The following AKAP6 variants were observed in gnomAD, a reference collection of about 807,000 sequenced individuals.
The protein encoded by AKAP6 is A-kinase anchoring protein 6, also known as A-kinase anchor protein 6.
AKAP6 carries 58 observed loss-of-function variants against 188.5 expected under a neutral mutation model. The observed-to-expected ratio is 0.31, with a 90% CI of 0.25 to 0.38. The LOEUF is 0.38. Among genes scored for constraint, AKAP6 ranks in the 10% least tolerant of loss-of-function variants. The probability of loss-of-function intolerance (pLI) is 1.00; values close to 1 mark genes in which losing one functional copy is unlikely to be tolerated. For synonymous variants in AKAP6, 989 were observed against 998.6 expected (o/e 0.99, Z 0.18); for missense variants, 2,710 against 2,740.0 (o/e 0.99, Z 0.24).
intron 12 of AKAP6, 94 bp downstream of exon 12, chr14:32,773,987 G>T: frequency 1.5e-6 from 2 of 1,337,760 alleles, no homozygotes; most frequent in Non-Finnish European, 2.1e-6. Flanking sequence ...TCTTATAAAT[G>T]GTTTTACTAA....
chr14:32,428,696 C>T (rs1258056744), intron 1 of AKAP6, among the ~76,000 whole-genome samples: 2 of 152,088 alleles, frequency 1.3e-5, no homozygotes, highest in Admixed American at 6.6e-5. Flanking sequence ...CTGATTTGGT[C>T]GAATGAACTT....
chr14:32,572,192 C>A (rs1448505627), intron 4 of AKAP6, among the ~76,000 whole-genome samples: 12 of 152,154 alleles, frequency 7.9e-5, no homozygotes, highest in Non-Finnish European at 1.6e-4. Flanking sequence ...GATCCATGTT[C>A]AAATCCCAAG....
At chr14:32,618,407 C>G (rs1441004534) in intron 7 of AKAP6, among the ~76,000 whole-genome samples, 1 of 152,174 alleles carries the variant, frequency 6.6e-6, no homozygotes, top group Non-Finnish European at 1.5e-5. Context: ...CCTTTGCATA[C>G]CCATAGCTTA....
At chr14:32,705,844 G>A (rs941696570) in intron 9 of AKAP6, among the ~76,000 whole-genome samples, 2 of 152,166 alleles carry the variant, frequency 1.3e-5, no homozygotes, top group Non-Finnish European at 2.9e-5. Context: ...TAATGGCACA[G>A]CCACCGTCTT....
chr14:32,799,936 G>T (rs1296060578), intron 12 of AKAP6, among the ~76,000 whole-genome samples: 1 of 151,612 alleles, frequency 6.6e-6, no homozygotes, highest in Non-Finnish European at 1.5e-5. Context: ...TAGGCTGAGT[G>T]TGGTGGCTCA....
In AKAP6 at chr14:32,555,976, A is replaced by G. The variant is rs548990955; in HGVS notation, c.2346+8977A>G. 8.7e-5 allele frequency among the ~76,000 whole-genome samples: 13 copies of G among 149,470 alleles called. No homozygotes were observed. In the East Asian group the frequency reaches 2.5e-3, roughly 29 times the overall value. Reference sequence around the variant, plus strand: ...ATATACCCAAAAATTGGATTGCTGGATGTTTTTTTTTTTTGAGGATCATGT... The same window carrying G: ...ATATACCCAAAAATTGGATTGCTGGGTGTTTTTTTTTTTTGAGGATCATGT... On this transcript the variant is annotated intron_variant, in intron 4 of 13. Coordinates refer to ENST00000280979, the MANE Select transcript of AKAP6 (RefSeq NM_004274.5).
chr14:32,400,044 G>C (rs922713634), intron 1 of AKAP6, among the ~76,000 whole-genome samples: 23 of 152,156 alleles, frequency 1.5e-4, no homozygotes, highest in African/African-American at 4.8e-4. Context: ...AATGACATCT[G>C]GGAATCCATT....
At chr14:32,479,114 T>A (rs1039960222) in intron 2 of AKAP6, among the ~76,000 whole-genome samples, 1 of 152,200 alleles carries the variant, frequency 6.6e-6, no homozygotes, top group South Asian at 2.1e-4. Context: ...ACTTTGATAT[T>A]TTCAGTATTA....
intron 5 of AKAP6, among the ~76,000 whole-genome samples, chr14:32,594,288 G>A (rs1312364437): frequency 6.6e-6 from 1 of 152,050 alleles, no homozygotes; most frequent in Non-Finnish European, 1.5e-5. Flanking sequence ...ACATTTTGTT[G>A]TATTTTTTGC....
intron 7 of AKAP6, among the ~76,000 whole-genome samples, chr14:32,647,529 G>A (rs1316797642): frequency 6.6e-6 from 1 of 152,054 alleles, no homozygotes; most frequent in Non-Finnish European, 1.5e-5. Context: ...GGAAGACTGA[G>A]CGGAATTTAA....
At chr14:32,552,377 G>A (rs1206846651) in intron 4 of AKAP6, among the ~76,000 whole-genome samples, 1 of 152,198 alleles carries the variant, frequency 6.6e-6, no homozygotes, top group African/African-American at 2.4e-5. Context: ...GCTCAGTTAT[G>A]AGACAGGAAC....
Position 32,824,258 on chromosome 14 carries a change from A to G in AKAP6, c.6445A>G (p.Lys2149Glu), listed in dbSNP as rs781590671. The G allele has an allele frequency of 3.7e-6, 6 of 1,613,846 alleles. No homozygotes were observed. The highest frequency in any genetic ancestry group is 4.2e-6 in the Non-Finnish European group (5 of 1,179,962). ...CACCACTGACTCGGGCTTAGATGAC[A>G]AGGAAGATATTGAATGCTTTTTTGA... ...LDTTDSGLDD[K>E]EDIECFFEAC... is the part of the protein sequence containing the mutation. Residue 2149 changes from lysine (K) to glutamate (E), a missense_variant, in exon 13 of 14, where the codon AAG (lysine) becomes GAG (glutamate). Around this residue, in one of 2 missense-constraint regions of AKAP6, gnomAD observed 2,473 missense variants for 2,426.1 expected, o/e 1.02. Transcript: ENST00000280979.
At chr14:32,349,224 C>T (rs1031186652) in intron 1 of AKAP6, among the ~76,000 whole-genome samples, 1 of 152,214 alleles carries the variant, frequency 6.6e-6, no homozygotes, top group African/African-American at 2.4e-5. Flanking sequence ...GAATTCAAAA[C>T]TGAACTCTGT....
rs142242575 is a variant in AKAP6, at chr14:32,546,902, A to C, written c.2249A>C (p.Asn750Thr). The C allele has an allele frequency of 3.7e-6, 6 of 1,613,834 alleles. No homozygotes were observed. The African/African-American group carries it at 8.0e-5, about 22-fold the overall frequency. Residue 750 changes from asparagine to threonine, a missense_variant, in exon 4 of 14, where the codon AAT (asparagine) becomes ACT (threonine). This residue lies in a region of AKAP6 where 2,473 missense variants were observed against 2,426.1 expected (regional missense o/e 1.02). Transcript: ENST00000280979. ...GAAAGAGCTTCATCCTCTGAGAAAA[A>C]TGAGAGCCATTCTGCCACTAAATCA... ...KSERASSSEK[N>T]ESHSATKSAL... is the part of the protein sequence containing the mutation.
chr14:32,625,259 C>T (rs543812466), intron 7 of AKAP6, among the ~76,000 whole-genome samples: 24 of 152,142 alleles, frequency 1.6e-4, no homozygotes, highest in African/African-American at 4.8e-4. Flanking sequence ...ACACTACATA[C>T]GTTAAGCTCA....
intron 11 of AKAP6, among the ~76,000 whole-genome samples, chr14:32,737,347 T>A (rs2031476210): frequency 6.6e-6 from 1 of 152,180 alleles, no homozygotes; most frequent in South Asian, 2.1e-4. Flanking sequence ...TTACTCTTAG[T>A]GTTTGGTATA....
At chr14:32,478,046 G>T (rs1951195) in intron 2 of AKAP6, among the ~76,000 whole-genome samples, 40,668 of 152,106 alleles carry the variant, frequency 0.27, 5,882 homozygotes, top group Non-Finnish European at 0.31. Context: ...GGCTGGGGTT[G>T]AGCCTCCCTA....
At chr14:32,391,055 A>G (rs1338083398) in intron 1 of AKAP6, among the ~76,000 whole-genome samples, 1 of 152,188 alleles carries the variant, frequency 6.6e-6, no homozygotes, top group Non-Finnish European at 1.5e-5. Context: ...ATACGGGTAC[A>G]GGACCTACAG....
At chr14:32,647,186 G>A (rs142286804) in intron 7 of AKAP6, among the ~76,000 whole-genome samples, 1 of 152,048 alleles carries the variant, frequency 6.6e-6, no homozygotes, top group South Asian at 2.1e-4. Flanking sequence ...AATGAAATGT[G>A]ACAATTTCCA....
Sources: allele counts gnomAD v4.1 joint callset (sites outside exome capture counted in the v4.1 genomes callset), GRCh38; gene constraint gnomAD v4.1.1; regional missense constraint gnomAD v4.1.1; transcripts MANE v1.5; gene names NCBI Gene and HGNC (gene_info 2026-07-23, HGNC 2026-07-21).